The following SAMD4A variants were observed in gnomAD, a reference collection of about 807,000 sequenced individuals.
The protein encoded by SAMD4A is protein Smaug homolog 1.
SAMD4A carries 33 observed loss-of-function variants against 81.3 expected under a neutral mutation model. The ratio of observed to expected loss-of-function variants is 0.41; its 90% CI spans 0.31 to 0.54. The LOEUF is 0.54. Among genes scored for constraint, SAMD4A ranks in the 20% least tolerant of loss-of-function variants. The probability of loss-of-function intolerance (pLI) is 0.37; values close to 1 mark genes in which losing one functional copy is unlikely to be tolerated. For synonymous variants in SAMD4A, 389 were observed against 382.1 expected (o/e 1.02, Z -0.21); for missense variants, 854 against 951.1 (o/e 0.90, Z 1.34).
intron 2 of SAMD4A, chr14:54,688,291 C>T: frequency 1.0e-6 from 1 of 985,432 alleles, no homozygotes; most frequent in Non-Finnish European, 1.2e-6. Context: ...TCCGGAGCAA[C>T]CGTTTAGAGG....
chr14:54,633,930 T>G (rs553049698), intron 2 of SAMD4A, among the ~76,000 whole-genome samples: 2 of 151,870 alleles, frequency 1.3e-5, no homozygotes, highest in East Asian at 3.9e-4. Context: ...CTTGTCTGTC[T>G]TATTACTGTG....
At chr14:54,715,380 T>C (rs566202453) in intron 3 of SAMD4A, among the ~76,000 whole-genome samples, 2 of 152,090 alleles carry the variant, frequency 1.3e-5, no homozygotes, top group Non-Finnish European at 2.9e-5. Flanking sequence ...GATGAGTCGA[T>C]AGTACTCATT....
chr14:54,751,248 C>A (rs2038095218), intron 5 of SAMD4A, among the ~76,000 whole-genome samples: 2 of 152,024 alleles, frequency 1.3e-5, no homozygotes, highest in African/African-American at 4.8e-5. Flanking sequence ...TACAGTGAGA[C>A]CCTGTCTCAA....
At chr14:54,714,740 T>C (rs2037077314) in intron 3 of SAMD4A, among the ~76,000 whole-genome samples, 1 of 152,182 alleles carries the variant, frequency 6.6e-6, no homozygotes, top group South Asian at 2.1e-4. Flanking sequence ...GTTGTCGTTA[T>C]TACTGCTGGT....
rs114388041 is a variant in SAMD4A, at chr14:54,728,893, T to C, written c.716-8131T>C. On this transcript the variant is annotated intron_variant, in intron 3 of 12. Transcript: ENST00000554335. ...AGGCATCCTCTGATGATGCCTGTCC[T>C]TACCTGATCAGTGAGAGCCACTGTT... is the stretch of plus-strand genomic sequence containing the variant. Among the ~76,000 whole-genome samples the C allele has an allele frequency of 6.1e-3, 925 of 152,312 alleles. 9 individuals are homozygous for C. Among genetic ancestry groups the C allele is most frequent in the African/African-American group, 0.021 (875 of 41,572 alleles).
In SAMD4A at chr14:54,688,951, G is replaced by C. The variant is rs1594814213; in HGVS notation, c.197-13111G>C. ...TAATTCTTTTTTTTTTTTTTTTTGA[G>C]GCGGAGTTTTGCTCCTGTTTTCCAG... On this transcript the variant is annotated intron_variant, in intron 2 of 12. Transcript: ENST00000554335. 2.1e-4 allele frequency among the ~76,000 whole-genome samples: 12 copies of C among 57,926 alleles called. No homozygotes were observed. The South Asian group carries it at 5.8e-3, about 28-fold the overall frequency. 38.0% of individuals were successfully genotyped at this position (57,926 alleles called of 152,430 possible).
At chr14:54,647,474 A>G (rs2035311037) in intron 2 of SAMD4A, among the ~76,000 whole-genome samples, 1 of 152,242 alleles carries the variant, frequency 6.6e-6, no homozygotes, top group South Asian at 2.1e-4. Flanking sequence ...CACACTTTTT[A>G]AAGAGCTTTC....
chr14:54,586,275 T>C (rs1170968605), intron 2 of SAMD4A, among the ~76,000 whole-genome samples: 1 of 152,164 alleles, frequency 6.6e-6, no homozygotes, highest in Non-Finnish European at 1.5e-5. Context: ...GATGGGATTG[T>C]TTGTTTTCTT....
At chr14:54,611,141 T>C (rs2034342902) in intron 2 of SAMD4A, among the ~76,000 whole-genome samples, 1 of 152,092 alleles carries the variant, frequency 6.6e-6, no homozygotes, top group Non-Finnish European at 1.5e-5. Flanking sequence ...GGCTTATGTG[T>C]CCTAAAGAGA....
intron 2 of SAMD4A, among the ~76,000 whole-genome samples, chr14:54,676,216 T>C (rs982230407): frequency 6.6e-6 from 1 of 152,200 alleles, no homozygotes; most frequent in African/African-American, 2.4e-5. Context: ...ACCTCTCATT[T>C]TGGTATTAAA....
rs138536771 is a variant in SAMD4A at position 54,737,905 on chromosome 14, C to T, written c.979+618C>T. On this transcript the variant is annotated intron_variant, in intron 4 of 12. Coordinates refer to ENST00000554335, the MANE Select transcript of SAMD4A (RefSeq NM_015589.6). ...CAGATTTGCATACAGGTGATAAAGG[C>T]CTTTTGTGTAGCATAAATAAATTCC... is the stretch of plus-strand genomic sequence containing the variant. 2.4e-3 allele frequency among the ~76,000 whole-genome samples: 362 copies of T among 152,034 alleles called. 1 individual carries two copies. Among genetic ancestry groups the T allele is most frequent in the African/African-American group, 8.5e-3 (352 of 41,430 alleles).
intron 3 of SAMD4A, among the ~76,000 whole-genome samples, chr14:54,713,174 G>A (rs1175078076): frequency 6.6e-6 from 1 of 151,500 alleles, no homozygotes; most frequent in Non-Finnish European, 1.5e-5. Flanking sequence ...CATGACTGTA[G>A]CTTACACATA....
At chr14:54,642,118 T>A (rs2035188667) in intron 2 of SAMD4A, among the ~76,000 whole-genome samples, 1 of 152,160 alleles carries the variant, frequency 6.6e-6, no homozygotes, top group South Asian at 2.1e-4. Flanking sequence ...AAGTTTTAAG[T>A]TCTTGGAAGG....
intron 4 of SAMD4A, among the ~76,000 whole-genome samples, chr14:54,737,605 G>T (rs1387154742): frequency 1.5e-5 from 2 of 137,800 alleles, no homozygotes; most frequent in Admixed American, 8.1e-5. Context: ...CACAGCTAAT[G>T]GTGATAGGAT....
At chr14:54,607,604 C>T (rs193269495) in intron 2 of SAMD4A, among the ~76,000 whole-genome samples, 24 of 151,670 alleles carry the variant, frequency 1.6e-4, no homozygotes, top group Admixed American at 5.2e-4. Context: ...TACAGGCGCC[C>T]GCCACCATGC....
chr14:54,672,791 G>A (rs996275033), intron 2 of SAMD4A, among the ~76,000 whole-genome samples: 3 of 152,188 alleles, frequency 2.0e-5, no homozygotes, highest in Non-Finnish European at 4.4e-5. Context: ...ACCATAAAAT[G>A]TCTGTCTGTA....
intron 2 of SAMD4A, among the ~76,000 whole-genome samples, chr14:54,689,372 T>A (rs2036370788): frequency 6.6e-6 from 1 of 152,176 alleles, no homozygotes; most frequent in Non-Finnish European, 1.5e-5. Context: ...TCCCTTAGAT[T>A]GGTGGTGAGC....
rs185663679 is a variant in SAMD4A, at chr14:54,791,137, C to T, written c.*2193C>T. ...CCTTTTCTAAACAAGCTTAGTGTTA[C>T]TTGGGGAATGTGTTGGGATGGACGA... On this transcript the variant is annotated 3_prime_UTR_variant, in exon 13 of 13. Coordinates refer to ENST00000554335, the MANE Select transcript of SAMD4A (RefSeq NM_015589.6). 6.6e-6 allele frequency: 1 copy of T among 152,260 alleles called. No homozygotes were observed. Among genetic ancestry groups the T allele is most frequent in the Non-Finnish European group, 1.5e-5 (1 of 68,020 alleles). The allele number at this position is 152,260 out of a possible 1,614,324, so 9.4% of individuals were successfully genotyped here. A position where few individuals can be genotyped will look rare whatever the true frequency, so the allele number is the denominator to read the frequency against.
intron 2 of SAMD4A, among the ~76,000 whole-genome samples, chr14:54,648,901 G>C (rs1325342530): frequency 6.6e-6 from 1 of 152,212 alleles, no homozygotes; most frequent in Non-Finnish European, 1.5e-5. Flanking sequence ...CCAGGTGGGA[G>C]AGGCGGTGGC....
Sources: allele counts gnomAD v4.1 joint callset (sites outside exome capture counted in the v4.1 genomes callset), GRCh38; gene constraint gnomAD v4.1.1; transcripts MANE v1.5; gene names NCBI Gene and HGNC (gene_info 2026-07-23, HGNC 2026-07-21).